DOK6: variants seen among roughly 807,000 people sequenced by gnomAD.
DOK6 encodes docking protein 6.
In DOK6, 22 loss-of-function variants were observed where a neutral mutation model predicts 44.0. The observed-to-expected ratio is 0.50, with a 90% confidence interval of 0.36 to 0.71. The LOEUF (loss-of-function observed/expected upper bound fraction) is 0.71, where lower values mean the gene tolerates loss of function less well. Ranked by LOEUF, DOK6 falls within the 30% of genes least tolerant of loss-of-function variation. The pLI, the probability that DOK6 is intolerant of heterozygous loss-of-function variation, is 0.00. For synonymous variants in DOK6, 166 were observed against 145.5 expected (o/e 1.14, Z -1.01); for missense variants, 340 against 416.4 (o/e 0.82, Z 1.60).
intron 1 of DOK6, among the ~76,000 whole-genome samples, chr18:69,437,339 T>C (rs1303658383): frequency 6.6e-6 from 1 of 152,220 alleles, no homozygotes; most frequent in Non-Finnish European, 1.5e-5. Context: ...TTGTATAAGA[T>C]GTAAGAAAGG....
At chr18:69,594,766 A>T (rs904567759) in intron 2 of DOK6, among the ~76,000 whole-genome samples, 3 of 152,082 alleles carry the variant, frequency 2.0e-5, no homozygotes, top group African/African-American at 7.2e-5. Flanking sequence ...AGGCAGGAGG[A>T]TCACTTGACA....
intron 3 of DOK6, among the ~76,000 whole-genome samples, chr18:69,656,285 A>C (rs1356831539): frequency 6.6e-6 from 1 of 152,238 alleles, no homozygotes; most frequent in African/African-American, 2.4e-5. Flanking sequence ...ATAAAAGCAA[A>C]GGAAATTGAT....
chr18:69,676,856 T>A (rs1476979101), intron 3 of DOK6, among the ~76,000 whole-genome samples: 1 of 152,176 alleles, frequency 6.6e-6, no homozygotes, highest in Admixed American at 6.5e-5. Context: ...TCACTTATGT[T>A]TATGAAAGCC....
chr18:69,415,008 C>A (rs1218571455), intron 1 of DOK6, among the ~76,000 whole-genome samples: 1 of 152,056 alleles, frequency 6.6e-6, no homozygotes, highest in Non-Finnish European at 1.5e-5. Context: ...TTTCAAATAT[C>A]TTTAACTCTC....
At chr18:69,670,666 T>C (rs1345257380) in intron 3 of DOK6, among the ~76,000 whole-genome samples, 4 of 152,042 alleles carry the variant, frequency 2.6e-5, no homozygotes, top group Admixed American at 2.6e-4. Context: ...CAAGCCACCA[T>C]GCCCAGCTAA....
At chr18:69,764,005 A>G (rs72967261) in intron 7 of DOK6, among the ~76,000 whole-genome samples, 6 of 152,296 alleles carry the variant, frequency 3.9e-5, no homozygotes, top group Non-Finnish European at 8.8e-5. Context: ...CTAGTCCCAC[A>G]TGTGAGCCCC....
chr18:69,565,463 T>A (rs1982946207), intron 2 of DOK6, among the ~76,000 whole-genome samples: 1 of 151,434 alleles, frequency 6.6e-6, no homozygotes, highest in East Asian at 1.9e-4. Context: ...AGGAACCATC[T>A]TCTGTCTCTA....
At chr18:69,608,717 C>A (rs80183619) in intron 3 of DOK6, among the ~76,000 whole-genome samples, 1 of 151,660 alleles carries the variant, frequency 6.6e-6, no homozygotes, top group African/African-American at 2.4e-5. Flanking sequence ...TTTGGGAGGC[C>A]GAGGCGGGTG....
At chr18:69,608,517 A>AT (rs558821557) in intron 3 of DOK6, among the ~76,000 whole-genome samples, 2 of 152,016 alleles carry the variant, frequency 1.3e-5, no homozygotes, top group Admixed American at 6.6e-5. Context: ...GAATTGTAGA[A>AT]TTTTTTTTAT....
chr18:69,406,688 T>C (rs776393404), intron 1 of DOK6, among the ~76,000 whole-genome samples: 5 of 152,202 alleles, frequency 3.3e-5, no homozygotes, highest in Non-Finnish European at 7.3e-5. Context: ...TGGTCAAATA[T>C]CTTTCTACGA....
chr18:69,609,082 C>T (rs1984073202), intron 3 of DOK6, among the ~76,000 whole-genome samples: 1 of 151,918 alleles, frequency 6.6e-6, no homozygotes, highest in South Asian at 2.1e-4. Flanking sequence ...ACTTTTGTCT[C>T]CTTGGCCTAG....
chr18:69,517,614 A>G (rs1233081944), intron 1 of DOK6, among the ~76,000 whole-genome samples: 1 of 151,834 alleles, frequency 6.6e-6, no homozygotes, highest in East Asian at 1.9e-4. Context: ...GTTCATTATT[A>G]CTTTCAGTTT....
intron 1 of DOK6, among the ~76,000 whole-genome samples, chr18:69,558,041 T>C (rs1379048541): frequency 6.6e-6 from 1 of 152,224 alleles, no homozygotes; most frequent in African/African-American, 2.4e-5. Flanking sequence ...CTCTTTCATG[T>C]ACTCAAAGAA....
At chr18:69,443,388 G>A (rs528887071) in intron 1 of DOK6, among the ~76,000 whole-genome samples, 11 of 152,242 alleles carry the variant, frequency 7.2e-5, no homozygotes, top group South Asian at 4.1e-4. Context: ...CAGCACTTCC[G>A]GCAATGTGAC....
At position 69,629,785 on chromosome 18, in the gene DOK6, TTTTG is replaced by T. The variant is rs147380862; in HGVS notation, c.289+30311_289+30314del. Among the ~76,000 whole-genome samples, 1,475 of 151,846 alleles carry T rather than the reference TTTTG, an allele frequency of 9.7e-3. 32 individuals carry two copies. Among genetic ancestry groups the T allele is most frequent in the African/African-American group, 0.03 (1,240 of 41,398 alleles). On this transcript the variant is annotated intron_variant, in intron 3 of 7. Transcript: ENST00000382713. ...GCCCTATGGGTTTTTGTTTGTTTGT[TTTTG>T]TTTGTTTGTTTGTTTGTTTGTTTTG...
At chr18:69,745,405 G>T (rs1978952259) in intron 6 of DOK6, among the ~76,000 whole-genome samples, 1 of 152,140 alleles carries the variant, frequency 6.6e-6, no homozygotes. Flanking sequence ...CAGACATTAT[G>T]ACAACATACA....
chr18:69,562,660 G>A (rs1003664932), intron 1 of DOK6, among the ~76,000 whole-genome samples: 1 of 151,802 alleles, frequency 6.6e-6, no homozygotes, highest in African/African-American at 2.4e-5. Flanking sequence ...CAAGATGGAT[G>A]AAAGACTTAA....
intron 3 of DOK6, among the ~76,000 whole-genome samples, chr18:69,630,504 A>G (rs906432273): frequency 6.6e-6 from 1 of 152,212 alleles, no homozygotes; most frequent in African/African-American, 2.4e-5. Context: ...TTCATTATTC[A>G]TGAAATCAGA....
At chr18:69,773,611 A>G (rs1331857042) in intron 7 of DOK6, among the ~76,000 whole-genome samples, 1 of 152,004 alleles carries the variant, frequency 6.6e-6, no homozygotes, top group Non-Finnish European at 1.5e-5. Flanking sequence ...TACATAATTC[A>G]ATTTATGTGG....
Sources: allele counts gnomAD v4.1 joint callset (sites outside exome capture counted in the v4.1 genomes callset), GRCh38; gene constraint gnomAD v4.1.1; transcripts MANE v1.5; gene names NCBI Gene and HGNC (gene_info 2026-07-23, HGNC 2026-07-21).